Variants in CTPS2 observed in about 807,000 individuals in gnomAD.
CTPS2 encodes CTP synthase 2, also known as CTP synthase II.
Under a neutral mutation model 46.8 loss-of-function variants are expected in CTPS2, and 19 were observed. The observed-to-expected ratio is 0.41, with a 90% CI of 0.28 to 0.60. The LOEUF is 0.60. Among genes scored for constraint, CTPS2 ranks in the 20% least tolerant of loss-of-function variants. The pLI is 0.35. For missense variants in CTPS2, 286 were observed against 447.6 expected, an observed-to-expected ratio of 0.64 and a Z score of 3.26; for synonymous variants, 151 against 165.2, an observed-to-expected ratio of 0.91 and a Z score of 0.66.
chrX:16,657,986 G>A (rs776930815), intron 13 of CTPS2, among the ~76,000 whole-genome samples: 2 of 111,238 alleles, frequency 1.8e-5, no homozygotes, highest in African/African-American at 3.3e-5. Flanking sequence ...CAGGTGGATC[G>A]CTTGAGTCTA....
Position 16,679,038 on chromosome X carries a change from C to CA in CTPS2, c.1006-589dup, listed in dbSNP as rs771573184. 2.0e-4 allele frequency among the ~76,000 whole-genome samples: 22 copies of CA among 109,996 alleles called. No homozygotes were observed. The East Asian group carries it at 2.3e-3, about 11-fold the overall frequency. ...GTGTGTGATGGGAGGCAGCAGGAGA[C>CA]AAAGAGAGGAGGGGAGAAGGGTATG... On this transcript the variant is annotated intron_variant, in intron 9 of 18. Coordinates refer to ENST00000359276, the MANE Select transcript of CTPS2 (RefSeq NM_175859.3).
chrX:16,701,139 TGA>T (rs1476779046), intron 2 of CTPS2, among the ~76,000 whole-genome samples: 1 of 112,175 alleles, frequency 8.9e-6, no homozygotes, highest in African/African-American at 3.2e-5. Context: ...ACCACAGACT[TGA>T]ATAAGTCATT....
At chrX:16,666,696 A>AAT (rs1278951412) in intron 13 of CTPS2, among the ~76,000 whole-genome samples, 1 of 111,838 alleles carries the variant, frequency 8.9e-6, no homozygotes, top group Non-Finnish European at 1.9e-5. Context: ...AGGAATCAGG[A>AAT]TGCCATGGGA....
chrX:16,613,466 CAG>C (rs2147191676), intron 16 of CTPS2, among the ~76,000 whole-genome samples: 1 of 111,740 alleles, frequency 8.9e-6, no homozygotes, highest in Admixed American at 9.5e-5. Flanking sequence ...GCTTTCTTTC[CAG>C]AGGCAGAATC....
intron 8 of CTPS2, among the ~76,000 whole-genome samples, chrX:16,688,119 C>T (rs1382541021): frequency 1.8e-5 from 2 of 111,443 alleles, no homozygotes; most frequent in Non-Finnish European, 3.8e-5. Flanking sequence ...AAAACAGGGC[C>T]GGGCGCGGTG....
At chrX:16,702,185 G>T (rs1924636492) in intron 2 of CTPS2, among the ~76,000 whole-genome samples, 1 of 109,995 alleles carries the variant, frequency 9.1e-6, no homozygotes, top group Admixed American at 9.9e-5. Flanking sequence ...CTCCTGAGTA[G>T]ATGGGACTAC....
At chrX:16,691,889 C>G (rs995060189) in intron 6 of CTPS2, among the ~76,000 whole-genome samples, 1 of 111,983 alleles carries the variant, frequency 8.9e-6, no homozygotes, top group Non-Finnish European at 1.9e-5. Context: ...AGAGCTAGAT[C>G]GGGGTTAACA....
intron 16 of CTPS2, among the ~76,000 whole-genome samples, 196 bp from the exon 17 acceptor site, chrX:16,609,881 T>C (rs536004015): frequency 8.7e-4 from 98 of 112,409 alleles, no homozygotes; most frequent in African/African-American, 2.8e-3. Context: ...CTTGGAAATT[T>C]TATGTGCGGA....
At chrX:16,671,397 C>A (rs1921729333) in intron 10 of CTPS2, among the ~76,000 whole-genome samples, 1 of 110,519 alleles carries the variant, frequency 9.0e-6, no homozygotes, top group Admixed American at 9.7e-5. Context: ...GAGCAAGATC[C>A]AAGAACCCTC....
At chrX:16,653,951 T>G (rs1046502410) in intron 13 of CTPS2, among the ~76,000 whole-genome samples, 1 of 110,808 alleles carries the variant, frequency 9.0e-6, no homozygotes, top group Non-Finnish European at 1.9e-5. Flanking sequence ...GAAGGAGCCC[T>G]CCCTGCCTGC....
Position 16,655,490 on chromosome X carries a change from G to T in CTPS2, c.1296+12024C>A, listed in dbSNP as rs189416179. Among the ~76,000 whole-genome samples, 229 of 111,590 alleles carry T rather than the reference G, an allele frequency of 2.1e-3. 3 individuals carry two copies. Among genetic ancestry groups the T allele is most frequent in the Admixed American group, 0.02 (213 of 10,528 alleles). On this transcript the variant is annotated intron_variant, in intron 13 of 18. Coordinates refer to ENST00000359276, the MANE Select transcript of CTPS2 (RefSeq NM_175859.3). ...GGCAAGAAGTGCAGAGGAGGGAAGGGAACTTTCTGCTACCCCTTACCAGAT... is the reference window on the plus strand; with the variant it reads ...GGCAAGAAGTGCAGAGGAGGGAAGGTAACTTTCTGCTACCCCTTACCAGAT...
chrX:16,681,244 G>A (rs1214301394), intron 9 of CTPS2, among the ~76,000 whole-genome samples: 1 of 111,226 alleles, frequency 9.0e-6, no homozygotes, highest in Admixed American at 9.7e-5. Context: ...TTTAAAAAGT[G>A]ATTAGGAAAG....
chrX:16,685,867 C>CAAAAA (rs397976604), intron 8 of CTPS2, among the ~76,000 whole-genome samples: 5 of 24,459 alleles, frequency 2.0e-4, no homozygotes, highest in Non-Finnish European at 2.9e-4. Context: ...ACTCTGTCTC[C>CAAAAA]AAAAAAAAAA....
At chrX:16,623,283 G>T (rs1020238645) in intron 14 of CTPS2, among the ~76,000 whole-genome samples, 1 of 111,403 alleles carries the variant, frequency 9.0e-6, no homozygotes, top group Non-Finnish European at 1.9e-5. Flanking sequence ...CTCTCTCTTA[G>T]AGTTATTTTT....
intron 10 of CTPS2, among the ~76,000 whole-genome samples, chrX:16,675,034 G>A (rs1406065775): frequency 1.8e-5 from 2 of 110,144 alleles, no homozygotes; most frequent in Admixed American, 1.9e-4. Flanking sequence ...GGGAGGCTGA[G>A]GTGGGCGAAT....
At chrX:16,685,995 G>T (rs1336484266) in intron 8 of CTPS2, among the ~76,000 whole-genome samples, 1 of 110,366 alleles carries the variant, frequency 9.1e-6, no homozygotes, top group African/African-American at 3.3e-5. Context: ...AGCAGCACTG[G>T]GCCTCCATGA....
rs1379593976 is a variant in CTPS2 at position 16,689,551 on chromosome X, T to C, written c.771A>G (p.Leu257=). The C allele has an allele frequency of 8.3e-7, 1 of 1,209,439 alleles. No homozygotes were observed. The highest frequency in any genetic ancestry group is 1.1e-6 in the Non-Finnish European group (1 of 893,819). ...AATATTTCACAATGCTTTGTTCCTC[T>C]AAAAGCACAGGAACTCGGTATGTGG... ...VSSTYRVPVL[L]EEQSIVKYFK... is the part of the protein sequence containing the mutation. The change falls in exon 8 of 19, where the codon TTA becomes TTG. Residue 257 remains leucine, a synonymous_variant. Coordinates refer to ENST00000359276, the MANE Select transcript of CTPS2 (RefSeq NM_175859.3).
chrX:16,694,114 A>C (rs1348489082), intron 4 of CTPS2, among the ~76,000 whole-genome samples: 1 of 110,787 alleles, frequency 9.0e-6, no homozygotes, highest in Non-Finnish European at 1.9e-5. Flanking sequence ...CAGTGAGTCG[A>C]GATCACACCG....
At chrX:16,614,342 C>T (rs1026827552) in intron 16 of CTPS2, among the ~76,000 whole-genome samples, 3 of 111,991 alleles carry the variant, frequency 2.7e-5, no homozygotes, top group African/African-American at 9.8e-5. Context: ...TTAACAGAAA[C>T]AGGAGAATGA....
Sources: allele counts gnomAD v4.1 joint callset (sites outside exome capture counted in the v4.1 genomes callset), GRCh38; gene constraint gnomAD v4.1.1; transcripts MANE v1.5; gene names NCBI Gene and HGNC (gene_info 2026-07-23, HGNC 2026-07-21).